The following PHF10 variants were observed in gnomAD, a reference collection of about 807,000 sequenced individuals.
PHF10 encodes BRG1-associated factor 45a.
PHF10 carries 51 observed loss-of-function variants against 68.5 expected under a neutral mutation model. The observed-to-expected ratio is 0.74, with a 90% CI of 0.59 to 0.94. The LOEUF (loss-of-function observed/expected upper bound fraction) is 0.94, where lower values mean the gene tolerates loss of function less well. Among genes scored for constraint, PHF10 ranks in the 40% least tolerant of loss-of-function variants. The probability of loss-of-function intolerance (pLI) is 0.00; values close to 1 mark genes in which losing one functional copy is unlikely to be tolerated. For missense variants in PHF10, 460 were observed against 602.6 expected, an observed-to-expected ratio of 0.76 and a Z score of 2.48; for synonymous variants, 204 against 203.5, an observed-to-expected ratio of 1.00 and a Z score of -0.02.
intron 7 of PHF10, among the ~76,000 whole-genome samples, chr6:169,712,850 T>A (rs1311149214): frequency 6.6e-6 from 1 of 152,072 alleles, no homozygotes; most frequent in Non-Finnish European, 1.5e-5. Flanking sequence ...CCAGCTCACA[T>A]CCACCTCGAC....
intron 4 of PHF10, 59 bp downstream of exon 4, chr6:169,717,764 T>C (rs1443679192): frequency 4.3e-6 from 3 of 698,290 alleles, no homozygotes; most frequent in Non-Finnish European, 7.6e-6. Flanking sequence ...AAGATACTTA[T>C]CTAGTATTAT....
intron 1 of PHF10, among the ~76,000 whole-genome samples, chr6:169,723,437 T>G (rs1789228978): frequency 6.6e-6 from 1 of 152,202 alleles, no homozygotes; most frequent in Admixed American, 6.5e-5. Flanking sequence ...CCACTCGGTT[T>G]TTGCAGTAAG....
chr6:169,706,743 C>T lies in PHF10; in HGVS notation c.1114-1019G>A, dbSNP rs888885894. ...ATACATACATACACACACACACACA[C>T]ACACACACACACACACACACACACA... On this transcript the variant is annotated intron_variant, in intron 9 of 11. Coordinates refer to ENST00000339209, the MANE Select transcript of PHF10 (RefSeq NM_018288.4). 3.7e-3 allele frequency among the ~76,000 whole-genome samples: 466 copies of T among 125,634 alleles called. 2 individuals are homozygous for T. The highest frequency in any genetic ancestry group is 3.9e-3 in the African/African-American group (114 of 29,486). The allele number at this position is 125,634 out of a possible 152,430, so 82.4% of individuals were successfully genotyped here.
Position 169,721,072 on chromosome 6 carries a change from ATGGC to A in PHF10, c.123_126del (p.Gln41HisfsTer33). 1 of 1,546,260 alleles carries A rather than the reference ATGGC, an allele frequency of 6.5e-7. No individual in the cohort carries two copies. Among genetic ancestry groups the A allele is most frequent in the South Asian group, 1.2e-5 (1 of 83,868 alleles). On this transcript the variant is annotated frameshift_variant, in exon 2 of 12. Transcript: ENST00000339209. LOFTEE classifies it high-confidence loss of function. ...CCTGAGCCCATTCGCCTCCTTTTGG[ATGGC>A]TGGGTCCCATCATTTGAATTATCTT...
rs1456030148 is a variant in PHF10, at chr6:169,723,879, C to T, written c.53G>A (p.Ser18Asn). ...GAALSPRPCDSDPATPGAQSP... is the reference protein window; with the variant it reads ...GAALSPRPCDNDPATPGAQSP... ...CTGCGCTCCGGGGGTGGCTGGGTCG[C>T]TGTCGCACGGCCGCGGGGACAGCGC... is the stretch of plus-strand genomic sequence containing the variant. Residue 18 changes from serine (S) to asparagine (N), a missense_variant, in exon 1 of 12, where the codon AGC becomes AAC. By Grantham distance (46) the Ser-to-Asn change is conservative. Coordinates refer to ENST00000339209, the MANE Select transcript of PHF10 (RefSeq NM_018288.4). 9 of 1,100,458 alleles carry T rather than the reference C, an allele frequency of 8.2e-6. No individual in the cohort carries two copies. The highest frequency in any genetic ancestry group is 1.7e-5 in the African/African-American group (1 of 59,896). 68.2% of individuals were successfully genotyped at this position (1,100,458 alleles called of 1,614,324 possible).
Position 169,715,755 on chromosome 6 carries a change from G to T in PHF10, c.646C>A (p.Arg216=), listed in dbSNP as rs77919800. The T allele has an allele frequency of 6.2e-7, 1 of 1,612,830 alleles. No homozygotes were observed. Among genetic ancestry groups the T allele is most frequent in the Non-Finnish European group, 8.5e-7 (1 of 1,179,910 alleles). Residue 216 remains arginine (R), a synonymous_variant, in exon 6 of 12, where the codon CGG becomes AGG. Coordinates refer to ENST00000339209, the MANE Select transcript of PHF10 (RefSeq NM_018288.4). ...KAAEFNSNLN[R]ERMEERRAYF... ...GCTCTTCTTTCTTCCATGCGTTCCC[G>T]GTTTAAGTTGCTATTAAATTCTGCT... is the stretch of plus-strand genomic sequence containing the variant.
intron 2 of PHF10, 113 bp from the exon 3 acceptor site, chr6:169,719,031 T>A (rs941520328): frequency 4.5e-6 from 3 of 673,722 alleles, no homozygotes; most frequent in Non-Finnish European, 7.5e-6. Flanking sequence ...TTGCCTCCTA[T>A]GACTTGACTT....
intron 11 of PHF10, 56 bp from the exon 12 acceptor site, chr6:169,704,144 T>A: frequency 7.5e-7 from 1 of 1,336,396 alleles, no homozygotes; most frequent in Non-Finnish European, 1.0e-6. Flanking sequence ...GACTGAATTT[T>A]AAGCCCATCT....
chr6:169,712,680 GTCA>G (rs1227641381), intron 7 of PHF10, 141 bp from the exon 8 acceptor site: 4 of 593,994 alleles, frequency 6.7e-6, no homozygotes, highest in African/African-American at 1.9e-5. Flanking sequence ...TTTCATTTTT[GTCA>G]TCAAGTAGGG....
intron 4 of PHF10, 26 bp from the exon 5 acceptor site, chr6:169,716,114 AT>A: frequency 6.7e-7 from 1 of 1,494,874 alleles, no homozygotes. Flanking sequence ...AAATAAAAAA[AT>A]AAAGAAGCTC....
rs1451824365 is a variant in PHF10 at position 169,705,659 on chromosome 6, T to G, written c.1179A>C (p.Gly393=). The G allele has an allele frequency of 2.1e-5, 33 of 1,584,524 alleles. No homozygotes were observed. The highest frequency in any genetic ancestry group is 6.7e-5 in the Admixed American group (4 of 59,966). ...CLKGKESNKK[G]KAESLIHCSQ... Reference sequence around the variant, plus strand: ...AGCAGTGTATAAGTGATTCAGCCTTTCCTTTCTTGTTGGACTCCTTACCCT... The same window carrying G: ...AGCAGTGTATAAGTGATTCAGCCTTGCCTTTCTTGTTGGACTCCTTACCCT... Residue 393 remains glycine, a synonymous_variant, in exon 10 of 12, where the codon GGA becomes GGC. Coordinates refer to ENST00000339209, the MANE Select transcript of PHF10 (RefSeq NM_018288.4).
intron 2 of PHF10, among the ~76,000 whole-genome samples, chr6:169,719,718 G>C (rs190726981): frequency 1.8e-3 from 276 of 152,124 alleles, no homozygotes; most frequent in African/African-American, 6.4e-3. Context: ...GAGCTAACTA[G>C]AAAACTCTTA....
chr6:169,715,908 A>G (rs1789036482), intron 5 of PHF10, 47 bp downstream of exon 5: 2 of 1,596,224 alleles, frequency 1.3e-6, no homozygotes, highest in Admixed American at 3.5e-5. Flanking sequence ...CTAAAATGTC[A>G]TTTTCCCCAA....
intron 11 of PHF10, chr6:169,704,841 A>G (rs1438757593): frequency 3.7e-6 from 1 of 272,552 alleles, no homozygotes; most frequent in Non-Finnish European, 7.2e-6. Flanking sequence ...GATAACATAT[A>G]AAAATAAAGG....
chr6:169,715,996 T>C lies in PHF10; in HGVS notation c.502A>G (p.Lys168Glu). ...HAEYSVILQE[K>E]ERQRITDHYK... The stretch of plus-strand genomic sequence containing the variant: ...TGGTCTGTAATTCGTTGACGTTCTT[T>C]TTCTTGTAGAATAACAGAATACTCA... Residue 168 changes from lysine to glutamate, a missense_variant, in exon 5 of 12, where the codon AAA becomes GAA. Physicochemically the swap from Lys to Glu is moderately conservative, Grantham distance 56. This residue lies in a region of PHF10 where 256 missense variants were observed against 410.5 expected (regional missense o/e 0.62). Transcript: ENST00000339209. 6.2e-7 allele frequency: 1 copy of C among 1,610,154 alleles called. No individual in the cohort carries two copies. The highest frequency in any genetic ancestry group is 2.2e-5 in the East Asian group (1 of 44,834).
At position 169,719,829 on chromosome 6, in the gene PHF10, T is replaced by C. The variant is rs553169403; in HGVS notation, c.195-911A>G. The stretch of plus-strand genomic sequence containing the variant: ...ACAAAAGAAAAAATAGATGAAAAAT[T>C]TGGGCTTCATCAAAATTAAAAATTT... On this transcript the variant is annotated intron_variant, in intron 2 of 11. Coordinates refer to ENST00000339209, the MANE Select transcript of PHF10 (RefSeq NM_018288.4). Among the ~76,000 whole-genome samples the C allele has an allele frequency of 9.2e-5, 14 of 151,994 alleles. No homozygotes were observed. In the South Asian group the frequency reaches 2.9e-3, roughly 32 times the overall value.
intron 7 of PHF10, among the ~76,000 whole-genome samples, chr6:169,714,057 G>C (rs1431899481): frequency 6.6e-6 from 1 of 151,836 alleles, no homozygotes; most frequent in Non-Finnish European, 1.5e-5. Context: ...GGAGGCAGAG[G>C]TTGCAGTGAG....
At position 169,723,989 on chromosome 6, in the gene PHF10, C is replaced by CGCCGCCGCT. The variant is rs1416301203; in HGVS notation, c.-67_-59dup. The CGCCGCCGCT allele has an allele frequency of 2.4e-5, 11 of 452,312 alleles. 1 individual carries two copies. The highest frequency in any genetic ancestry group is 1.7e-4 in the South Asian group (2 of 11,510). 28.0% of individuals were successfully genotyped at this position (452,312 alleles called of 1,614,324 possible). A position where few individuals can be genotyped will look rare whatever the true frequency, so the allele number is the denominator to read the frequency against. On this transcript the variant is annotated 5_prime_UTR_variant, in exon 1 of 12. Transcript: ENST00000339209. Reference sequence around the variant, plus strand: ...GTCGCCTCCGCCTTGTCCCGGCCGCCGCCGCCGCTGCCGCCGCCGCCGCCG... The same window carrying CGCCGCCGCT: ...GTCGCCTCCGCCTTGTCCCGGCCGCCGCCGCCGCTGCCGCCGCTGCCGCCGCCGCCGCCG...
rs1352262953 is a variant in PHF10 at position 169,705,524 on chromosome 6, CTT to C, written c.1222+90_1222+91del. 12 of 826,172 alleles carry C rather than the reference CTT, an allele frequency of 1.5e-5. No homozygotes were observed. In the Middle Eastern group the frequency reaches 1.4e-3, roughly 97 times the overall value. 51.2% of individuals were successfully genotyped at this position (826,172 alleles called of 1,614,324 possible). ...ACCCTGTGTATTTAATTTGGTGACT[CTT>C]TGGTTGAAATCTGCCTGAAACTATA... On this transcript the variant is annotated intron_variant, in intron 10 of 11. Coordinates refer to ENST00000339209, the MANE Select transcript of PHF10 (RefSeq NM_018288.4).
Sources: allele counts gnomAD v4.1 joint callset (sites outside exome capture counted in the v4.1 genomes callset), GRCh38; gene constraint gnomAD v4.1.1; regional missense constraint gnomAD v4.1.1; transcripts MANE v1.5; gene names NCBI Gene and HGNC (gene_info 2026-07-23, HGNC 2026-07-21).